The following RABGAP1L variants were observed in gnomAD, a reference collection of about 807,000 sequenced individuals.
RABGAP1L encodes rab GTPase-activating protein 1-like.
RABGAP1L carries 63 observed loss-of-function variants against 137.7 expected under a neutral mutation model. The observed-to-expected ratio is 0.46, with a 90% CI of 0.37 to 0.56. The LOEUF (loss-of-function observed/expected upper bound fraction) is 0.56, where lower values mean the gene tolerates loss of function less well. RABGAP1L is among the 20% of genes least tolerant of loss of function. The probability of loss-of-function intolerance (pLI) is 0.00; values close to 1 mark genes in which losing one functional copy is unlikely to be tolerated. For synonymous variants in RABGAP1L, 431 were observed against 433.7 expected, an observed-to-expected ratio of 0.99 and a Z score of 0.08; for missense variants, 1,095 against 1,244.0, an observed-to-expected ratio of 0.88 and a Z score of 1.80.
At chr1:174,928,938 C>T (rs931601303) in intron 19 of RABGAP1L, among the ~76,000 whole-genome samples, 10 of 152,004 alleles carry the variant, frequency 6.6e-5, no homozygotes, top group Admixed American at 6.6e-4. Flanking sequence ...ATTGTCTTGT[C>T]ATGTTTTTCC....
rs1034498738 is a variant in RABGAP1L at position 174,729,725 on chromosome 1, A to T, written c.2170-22588A>T. ...GCCAAAAGACATGAAAAAATGCTCC[A>T]TATCACTAATCATCAGAGAAATTCA... is the stretch of plus-strand genomic sequence containing the variant. On this transcript the variant is annotated intron_variant, in intron 17 of 25. Transcript: ENST00000681986. Among the ~76,000 whole-genome samples, 3 of 152,220 alleles carry T rather than the reference A, an allele frequency of 2.0e-5. No homozygotes were observed. The East Asian group carries it at 5.8e-4, about 29-fold the overall frequency.
intron 10 of RABGAP1L, among the ~76,000 whole-genome samples, chr1:174,284,223 T>C (rs1675848918): frequency 6.6e-6 from 1 of 152,176 alleles, no homozygotes; most frequent in Non-Finnish European, 1.5e-5. Context: ...ACTGAAAGTT[T>C]TTACCCTTTG....
intron 13 of RABGAP1L, among the ~76,000 whole-genome samples, chr1:174,516,104 A>G (rs1304434356): frequency 8.1e-5 from 12 of 147,592 alleles, no homozygotes; most frequent in African/African-American, 3.0e-4. Flanking sequence ...AAGTCAAGGG[A>G]TGAAAACTGA....
Position 174,474,752 on chromosome 1 carries a change from G to A in RABGAP1L, c.1710+80607G>A, listed in dbSNP as rs1165020975. On this transcript the variant is annotated intron_variant, in intron 13 of 25. Coordinates refer to ENST00000681986, the MANE Select transcript of RABGAP1L (RefSeq NM_001366446.1). ...CGAGTAGCTGGGACTACAGGCGTGC[G>A]TCACCACGCCCAGCTAATTTTTGTA... 3.9e-5 allele frequency among the ~76,000 whole-genome samples: 6 copies of A among 152,062 alleles called. No individual in the cohort carries two copies. The East Asian group carries it at 5.8e-4, about 15-fold the overall frequency.
At chr1:174,606,585 A>G (rs1315710094) in intron 13 of RABGAP1L, among the ~76,000 whole-genome samples, 1 of 152,212 alleles carries the variant, frequency 6.6e-6, no homozygotes. Context: ...TATCTTTGTC[A>G]TTTATTCACT....
intron 19 of RABGAP1L, among the ~76,000 whole-genome samples, chr1:174,840,024 A>T (rs538302342): frequency 1.6e-4 from 25 of 152,308 alleles, no homozygotes; most frequent in African/African-American, 4.8e-4. Flanking sequence ...ATCAGAACTA[A>T]GGAAAGCTGA....
At chr1:174,348,624 T>G (rs1489305653) in intron 11 of RABGAP1L, among the ~76,000 whole-genome samples, 1 of 146,270 alleles carries the variant, frequency 6.8e-6, no homozygotes. Flanking sequence ...AGTGTTTGTG[T>G]CCCTGATTAC....
chr1:174,483,645 G>A (rs569413604), intron 13 of RABGAP1L, among the ~76,000 whole-genome samples: 1 of 152,152 alleles, frequency 6.6e-6, no homozygotes, highest in African/African-American at 2.4e-5. Flanking sequence ...TGGCCAACAT[G>A]GTGAAACCTC....
At chr1:174,826,138 T>C (rs182208716) in intron 19 of RABGAP1L, among the ~76,000 whole-genome samples, 1 of 152,334 alleles carries the variant, frequency 6.6e-6, no homozygotes, top group Admixed American at 6.5e-5. Flanking sequence ...AAGTAAAACA[T>C]GCAGTATTTG....
intron 13 of RABGAP1L, among the ~76,000 whole-genome samples, chr1:174,601,654 AAAAT>A (rs752049170): frequency 2.4e-4 from 37 of 152,298 alleles, no homozygotes; most frequent in African/African-American, 4.3e-4. Context: ...ATTTAAAAAT[AAAAT>A]AAATAAATAA....
chr1:174,827,088 C>T (rs1691639246), intron 19 of RABGAP1L, among the ~76,000 whole-genome samples: 3 of 152,178 alleles, frequency 2.0e-5, no homozygotes. Context: ...TGTATCCTCA[C>T]ATGATTATTC....
At chr1:174,628,376 A>G (rs1007422327) in intron 13 of RABGAP1L, among the ~76,000 whole-genome samples, 1 of 152,210 alleles carries the variant, frequency 6.6e-6, no homozygotes, top group Non-Finnish European at 1.5e-5. Context: ...TCTAAAATGT[A>G]TATTCACCGA....
chr1:174,477,063 A>G (rs1244377614), intron 13 of RABGAP1L, among the ~76,000 whole-genome samples: 1 of 152,132 alleles, frequency 6.6e-6, no homozygotes, highest in Non-Finnish European at 1.5e-5. Flanking sequence ...CTGCTTGTGT[A>G]CCATAGTCCC....
intron 11 of RABGAP1L, among the ~76,000 whole-genome samples, chr1:174,363,323 T>C (rs989707482): frequency 5.9e-5 from 9 of 152,234 alleles, no homozygotes; most frequent in African/African-American, 2.2e-4. Flanking sequence ...CTTTGAAGAA[T>C]GTCAATGGTA....
chr1:174,207,410 G>A (rs977521194), intron 1 of RABGAP1L, among the ~76,000 whole-genome samples: 2 of 152,118 alleles, frequency 1.3e-5, no homozygotes, highest in African/African-American at 4.8e-5. Context: ...TAAAGACAAA[G>A]TTAACATTTT....
At chr1:174,543,934 C>T (rs1016429560) in intron 13 of RABGAP1L, among the ~76,000 whole-genome samples, 1 of 152,234 alleles carries the variant, frequency 6.6e-6, no homozygotes, top group African/African-American at 2.4e-5. Flanking sequence ...CCACTGTCTT[C>T]TGGCTTGTAA....
In RABGAP1L at chr1:174,719,968, A is replaced by G. The variant is rs140950019; in HGVS notation, c.2169+17712A>G. Among the ~76,000 whole-genome samples the G allele has an allele frequency of 6.6e-4, 101 of 152,248 alleles. 1 individual carries two copies. In the East Asian group the frequency reaches 0.018, roughly 27 times the overall value. On this transcript the variant is annotated intron_variant, in intron 17 of 25. Coordinates refer to ENST00000681986, the MANE Select transcript of RABGAP1L (RefSeq NM_001366446.1). ...AGTAAGTATAATTATGCCTAGAAGC[A>G]TAAGACAGTATTTCTCAAAGTGTAG...
chr1:174,722,112 A>G lies in RABGAP1L; in HGVS notation c.2169+19856A>G, dbSNP rs1681588030. On this transcript the variant is annotated intron_variant, in intron 17 of 25. Transcript: ENST00000681986. ...ATGCCCAGCTAATTTTTGTATTTTT[A>G]GTAGAGATGGGGTTTCACCATGTTG... is the stretch of plus-strand genomic sequence containing the variant. Among the ~76,000 whole-genome samples, 3 of 152,002 alleles carry G rather than the reference A, an allele frequency of 2.0e-5. No homozygotes were observed. In the South Asian group the frequency reaches 6.2e-4, roughly 31 times the overall value.
intron 1 of RABGAP1L, among the ~76,000 whole-genome samples, chr1:174,176,905 C>G (rs1023565535): frequency 1.3e-5 from 2 of 150,828 alleles, no homozygotes; most frequent in Non-Finnish European, 3.0e-5. Context: ...ATGGTGAAAC[C>G]TTTACTGAAA....
Sources: gnomAD v4.1 joint callset for allele counts (sites outside exome capture counted in the v4.1 genomes callset) on GRCh38, gnomAD v4.1.1 for gene constraint, MANE v1.5 for transcripts, NCBI Gene and HGNC (gene_info 2026-07-23, HGNC 2026-07-21) for gene names.